NIT1: variants seen among roughly 807,000 people sequenced by gnomAD.
NIT1 encodes deaminated glutathione amidase.
NIT1 carries 30 observed loss-of-function variants against 36.8 expected under a neutral mutation model. The observed-to-expected ratio is 0.82, with a 90% CI of 0.61 to 1.11. The LOEUF is 1.11. Ranked by LOEUF, NIT1 falls within the 50% of genes least tolerant of loss-of-function variation. The probability of loss-of-function intolerance (pLI) is 0.00; values close to 1 mark genes in which losing one functional copy is unlikely to be tolerated. For synonymous variants in NIT1, 151 were observed against 155.6 expected, an observed-to-expected ratio of 0.97 and a Z score of 0.22; for missense variants, 438 against 410.6, an observed-to-expected ratio of 1.07 and a Z score of -0.58.
In NIT1 at chr1:161,120,132, T is replaced by TG; in HGVS notation, c.618dup (p.Arg207AlafsTer4). 2 of 1,614,160 alleles carry TG rather than the reference T, an allele frequency of 1.2e-6. No homozygotes were observed. The highest frequency in any genetic ancestry group is 1.7e-6 in the Non-Finnish European group (2 of 1,180,026). On this transcript the variant is annotated frameshift_variant, in exon 6 of 7. Transcript: ENST00000368009. LOFTEE classifies it high-confidence loss of function. ...ATTGGTCTAGCTGTCTGCTATGACA[T>TG]GCGGTTCCCTGAACTCTCTCTGGCA...
At position 161,120,222 on chromosome 1, in the gene NIT1, C is replaced by T. The variant is rs994992105; in HGVS notation, c.707C>T (p.Ala236Val). 6.2e-7 allele frequency: 1 copy of T among 1,614,058 alleles called. No homozygotes were observed. Reference protein sequence around the residue: ...PSAFGSITGPAHWEVLLRARA... With the variant: ...PSAFGSITGPVHWEVLLRARA... ...GCTTTTGGATCCATTACAGGCCCAG[C>T]CCACTGGGAGGTAAGATGATGCCTT... is the stretch of plus-strand genomic sequence containing the variant. Residue 236 changes from alanine to valine, a missense_variant, in exon 6 of 7, where the codon GCC becomes GTC. Transcript: ENST00000368009.
Position 161,120,995 on chromosome 1 carries a change from T to C in NIT1, c.*230T>C. The stretch of plus-strand genomic sequence containing the variant: ...GGTGGAATTTTATATAGTCATTGTT[T>C]ATTTCATGGAAACTGAAGTTCTGCT... On this transcript the variant is annotated 3_prime_UTR_variant, in exon 7 of 7. Transcript: ENST00000368009. The C allele has an allele frequency of 1.4e-6, 2 of 1,397,224 alleles. No homozygotes were observed. Among genetic ancestry groups the C allele is most frequent in the Non-Finnish European group, 1.9e-6 (2 of 1,077,736 alleles). 86.6% of individuals were successfully genotyped at this position (1,397,224 alleles called of 1,614,324 possible). A position where few individuals can be genotyped will look rare whatever the true frequency, so the allele number is the denominator to read the frequency against.
chr1:161,121,932 T>C (rs1571213528), downstream of NIT1: 1 of 570,194 alleles, frequency 1.8e-6, no homozygotes, highest in African/African-American at 1.9e-5. Flanking sequence ...CATTACGGGG[T>C]AAATGGAAAA....
downstream of NIT1, chr1:161,124,799 A>C: frequency 4.8e-6 from 1 of 209,648 alleles, no homozygotes. Flanking sequence ...CGTTTCTACA[A>C]AAAAAGAAAA....
Position 161,118,797 on chromosome 1 carries a change from T to G in NIT1, c.14T>G (p.Ile5Ser), listed in dbSNP as rs775584452. The change falls in exon 2 of 7, where the codon ATC (isoleucine) becomes AGC (serine). Residue 5 changes from isoleucine (I) to serine (S), a missense_variant. Physicochemically the swap from Ile to Ser is moderately radical, Grantham distance 142 (BLOSUM62 -2). Coordinates refer to ENST00000368009, the MANE Select transcript of NIT1 (RefSeq NM_005600.3). ...CTCACCTTCCTCAGGCTGGGCTTCA[T>G]CACCAGGCCTCCTCACAGATTCCTG... MLGF[I>S]TRPPHRFLSL... 14 of 1,613,534 alleles carry G rather than the reference T, an allele frequency of 8.7e-6. No individual in the cohort carries two copies. Among genetic ancestry groups the G allele is most frequent in the Non-Finnish European group, 1.2e-5 (14 of 1,179,572 alleles).
downstream of NIT1, among the ~76,000 whole-genome samples, chr1:161,122,780 T>C (rs1200971712): frequency 6.6e-6 from 1 of 152,184 alleles, no homozygotes; most frequent in Non-Finnish European, 1.5e-5. The surrounding 1 kb of genome is among the most constrained non-coding windows in gnomAD (Gnocchi z 4.2). Flanking sequence ...ATAGGAGATA[T>C]TTTCCTAATT....
chr1:161,124,398 C>T, downstream of NIT1: 1 of 1,613,488 alleles, frequency 6.2e-7, no homozygotes, highest in Non-Finnish European at 8.5e-7. Context: ...GCTGTACAGC[C>T]CATGTTCCTG....
chr1:161,122,949 G>C, downstream of NIT1: 1 of 1,577,174 alleles, frequency 6.3e-7, no homozygotes, highest in Non-Finnish European at 8.7e-7. This position sits in a 1 kb window ranked among gnomAD's most constrained non-coding sequence, Gnocchi z 4.2. Context: ...AAACCATTCA[G>C]CCTCACTTTG....
intron 5 of NIT1, 44 bp from the exon 6 acceptor site, chr1:161,120,063 A>T (rs1233273669): frequency 6.2e-7 from 1 of 1,612,768 alleles, no homozygotes; most frequent in Non-Finnish European, 8.5e-7. Flanking sequence ...ATGCTGTGAC[A>T]AACAGAGCAG....
Position 161,118,159 on chromosome 1 carries a change from G to A in NIT1, c.-18G>A. On this transcript the variant is annotated 5_prime_UTR_variant, in exon 1 of 7. It removes an upstream start codon present in the reference 5' UTR. Coordinates refer to ENST00000368009, the MANE Select transcript of NIT1 (RefSeq NM_005600.3). ...GCCCTCCGGATCGGACCCTGCGAAT[G>A]GTTTTGGCTATATCTTCATGTAGGA... 6.2e-7 allele frequency: 1 copy of A among 1,614,036 alleles called. No homozygotes were observed. The highest frequency in any genetic ancestry group is 8.5e-7 in the Non-Finnish European group (1 of 1,179,928).
chr1:161,123,125 C>T (rs377566442), downstream of NIT1: 39 of 1,614,084 alleles, frequency 2.4e-5, no homozygotes, highest in Non-Finnish European at 3.1e-5. Flanking sequence ...CCGGCGTTTT[C>T]GCTGGCTCCC....
At chr1:161,123,584 C>T (rs1180977310), downstream of NIT1, among the ~76,000 whole-genome samples, 2 of 149,430 alleles carry the variant, frequency 1.3e-5, no homozygotes, top group South Asian at 2.1e-4. Flanking sequence ...TGCAGTGAAC[C>T]GAGATTGCGC....
intron 1 of NIT1, 90 bp downstream of exon 1, chr1:161,118,268 C>A: frequency 2.6e-6 from 4 of 1,557,738 alleles, no homozygotes; most frequent in Middle Eastern, 3.4e-4. Context: ...CTGGGAGAGG[C>A]GGGGAGGGAC....
downstream of NIT1, chr1:161,123,045 T>A: frequency 1.2e-6 from 2 of 1,614,224 alleles, no homozygotes; most frequent in Non-Finnish European, 1.7e-6. Context: ...TCAAGTCTGC[T>A]CCATCTCTGG....
At chr1:161,121,924 T>C, downstream of NIT1, 1 of 561,998 alleles carries the variant, frequency 1.8e-6, no homozygotes, top group Non-Finnish European at 3.1e-6. Context: ...TAGAGACACA[T>C]TACGGGGTAA....
At chr1:161,121,952 AG>A, downstream of NIT1, 1 of 648,812 alleles carries the variant, frequency 1.5e-6, no homozygotes, top group Non-Finnish European at 2.6e-6. Context: ...AGGGAAATAA[AG>A]GGGAAGCCCA....
At position 161,120,807 on chromosome 1, in the gene NIT1, A is replaced by G. The variant is rs201942515; in HGVS notation, c.*42A>G. The G allele has an allele frequency of 4.2e-6, 4 of 963,306 alleles. No individual in the cohort carries two copies. In the Admixed American group the frequency reaches 6.4e-5, roughly 15 times the overall value. The allele number at this position is 963,306 out of a possible 1,614,324, so 59.7% of individuals were successfully genotyped here. A position where few individuals can be genotyped will look rare whatever the true frequency, so the allele number is the denominator to read the frequency against. On this transcript the variant is annotated 3_prime_UTR_variant, in exon 7 of 7. Coordinates refer to ENST00000368009, the MANE Select transcript of NIT1 (RefSeq NM_005600.3). The stretch of plus-strand genomic sequence containing the variant: ...GTTTAGACCTGCCCCTCCCACCCCC[A>G]CCCTGCCACTATGAGCTAGTGCTCA...
chr1:161,122,618 AAGT>A, downstream of NIT1: 1 of 1,470,246 alleles, frequency 6.8e-7, no homozygotes, highest in Non-Finnish European at 9.2e-7. The surrounding 1 kb of genome is among the most constrained non-coding windows in gnomAD (Gnocchi z 4.2). Flanking sequence ...CAGAATAAAA[AAGT>A]AGGGAATATC....
rs765488354 is a variant in NIT1, at chr1:161,118,193, C to T, written c.2+15C>T. The T allele has an allele frequency of 3.1e-6, 5 of 1,613,944 alleles. No homozygotes were observed. The highest frequency in any genetic ancestry group is 1.1e-5 in the South Asian group (1 of 91,092). On this transcript the variant is annotated intron_variant, in intron 1 of 6. Transcript: ENST00000368009. The stretch of plus-strand genomic sequence containing the variant: ...TATATCTTCATGTAGGACCTACTCC[C>T]TATCCCGTCGGCCGCGGTGAATCCC...
Sources: allele counts gnomAD v4.1 joint callset (sites outside exome capture counted in the v4.1 genomes callset), GRCh38; gene constraint gnomAD v4.1.1; non-coding constraint Gnocchi (gnomAD v3.1); transcripts MANE v1.5; gene names NCBI Gene and HGNC (gene_info 2026-07-23, HGNC 2026-07-21).